Variants in NAV1 observed in about 807,000 individuals in gnomAD.
NAV1 encodes pore membrane and/or filament interacting like protein 3.
In NAV1, 18 loss-of-function variants were observed where a neutral mutation model predicts 175.2. That is an observed-to-expected ratio of 0.10 (90% CI 0.07 to 0.15). The LOEUF (loss-of-function observed/expected upper bound fraction) is 0.15. NAV1 is among the 10% of genes least tolerant of loss of function. The pLI, the probability that NAV1 is intolerant of heterozygous loss-of-function variation, is 1.00. For synonymous variants in NAV1, 897 were observed against 978.7 expected, an observed-to-expected ratio of 0.92 and a Z score of 1.56; for missense variants, 1,731 against 2,436.6, an observed-to-expected ratio of 0.71 and a Z score of 6.10.
chr1:201,800,817 C>T (rs1212398222), intron 15 of NAV1, among the ~76,000 whole-genome samples: 45 of 90,790 alleles, frequency 5.0e-4, no homozygotes, highest in Admixed American at 9.3e-4. Context: ...CTTGGTGTAT[C>T]TTTTTTTTTT....
chr1:201,602,942 C>T (rs539273327), intron 2 of NAV1, among the ~76,000 whole-genome samples: 28 of 152,118 alleles, frequency 1.8e-4, no homozygotes, highest in Non-Finnish European at 3.8e-4. Flanking sequence ...TTGGAAAAGT[C>T]AGCTTCAAAA....
At chr1:201,717,610 ACT>A (rs1429939520) in intron 2 of NAV1, among the ~76,000 whole-genome samples, 1 of 152,002 alleles carries the variant, frequency 6.6e-6, no homozygotes, top group African/African-American at 2.4e-5. Flanking sequence ...GAGGCTTGAG[ACT>A]CTGGACATTT....
intron 1 of NAV1, among the ~76,000 whole-genome samples, chr1:201,673,642 ATG>A (rs945255615): frequency 2.0e-5 from 3 of 152,120 alleles, no homozygotes; most frequent in African/African-American, 7.2e-5. Context: ...CCCCATTCTG[ATG>A]TGGGAGAGAG....
chr1:201,773,683 G>A (rs1401943064), intron 3 of NAV1, among the ~76,000 whole-genome samples: 1 of 152,194 alleles, frequency 6.6e-6, no homozygotes, highest in African/African-American at 2.4e-5. Context: ...AGGGGAAAAG[G>A]TGATGCTTTT....
intron 22 of NAV1, 113 bp downstream of exon 26, chr1:201,809,650 C>A: frequency 1.0e-6 from 1 of 966,178 alleles, no homozygotes; most frequent in Non-Finnish European, 1.6e-6. Flanking sequence ...GTGGCGTGAT[C>A]ACAGCTCACT....
intron 2 of NAV1, among the ~76,000 whole-genome samples, chr1:201,593,311 G>A (rs563352197): frequency 6.6e-6 from 1 of 152,276 alleles, no homozygotes; most frequent in Admixed American, 6.5e-5. Flanking sequence ...GGGTCCTCGG[G>A]CCTCAATCCA....
chr1:201,750,807 G>A lies in NAV1; in HGVS notation c.1227-29614G>A, dbSNP rs1674056880. 6.6e-6 allele frequency among the ~76,000 whole-genome samples: 1 copy of A among 151,952 alleles called. No homozygotes were observed. The highest frequency in any genetic ancestry group is 2.1e-4 in the South Asian group (1 of 4,810). ...TTCTGAGATCGGAGGAGGCCTGGAG[G>A]GTGGGGTGAAGTTGTGAGGACCCCT... is the stretch of plus-strand genomic sequence containing the variant. On this transcript the variant is annotated intron_variant, in intron 3 of 29. Transcript: ENST00000367296. This position sits in a 1 kb window ranked among gnomAD's most constrained non-coding sequence, Gnocchi z 4.1.
chr1:201,701,924 G>A (rs1558079733), intron 1 of NAV1, among the ~76,000 whole-genome samples: 1 of 152,212 alleles, frequency 6.6e-6, no homozygotes, highest in Non-Finnish European at 1.5e-5. Context: ...ATAAAGGCAT[G>A]GACGTGAATT....
chr1:201,797,554 A>AT (rs1448881850), intron 15 of NAV1: 2 of 152,130 alleles, frequency 1.3e-5, no homozygotes, highest in Non-Finnish European at 2.9e-5. Flanking sequence ...CTCAGATTGA[A>AT]TTTTGCTAGG....
At chr1:201,574,016 G>A (rs563599435) in intron 1 of NAV1, among the ~76,000 whole-genome samples, 4 of 151,998 alleles carry the variant, frequency 2.6e-5, no homozygotes, top group East Asian at 1.9e-4. Context: ...TGATAGTGGC[G>A]GCACTGCACT....
At chr1:201,741,029 T>C (rs1673387966) in intron 3 of NAV1, among the ~76,000 whole-genome samples, 1 of 152,114 alleles carries the variant, frequency 6.6e-6, no homozygotes, top group Non-Finnish European at 1.5e-5. Flanking sequence ...CTATGCCTGG[T>C]GCTGTGGCCA....
intron 3 of NAV1, among the ~76,000 whole-genome samples, chr1:201,779,320 G>A (rs1190053051): frequency 2.0e-5 from 3 of 152,004 alleles, no homozygotes; most frequent in Admixed American, 6.6e-5. Context: ...GGCCAGGCAC[G>A]GTGGCTCACG....
Position 201,539,278 on chromosome 1 carries a change from C to T in NAV1, c.-208C>T, listed in dbSNP as rs1443237777. On this transcript the variant is annotated 5_prime_UTR_variant, in exon 1 of 34. Coordinates refer to the NAV1 transcript ENST00000685211. The surrounding 1 kb of genome is among the most constrained non-coding windows in gnomAD (Gnocchi z 5.6). ...AAGCGGACCCCGCACCCGCGCTGCC[C>T]TTGGGGATGCGCGACTCTGCGCGGC... 6.6e-6 allele frequency among the ~76,000 whole-genome samples: 1 copy of T among 152,024 alleles called. No homozygotes were observed. The highest frequency in any genetic ancestry group is 1.5e-5 in the Non-Finnish European group (1 of 67,982).
chr1:201,665,126 G>T (rs1233463443), intron 1 of NAV1, among the ~76,000 whole-genome samples: 1 of 152,094 alleles, frequency 6.6e-6, no homozygotes, highest in Non-Finnish European at 1.5e-5. Flanking sequence ...CCCACCCATG[G>T]TTCTTCCTTC....
intron 3 of NAV1, among the ~76,000 whole-genome samples, chr1:201,753,538 CT>C (rs1371743553): frequency 6.6e-6 from 1 of 152,104 alleles, no homozygotes; most frequent in Non-Finnish European, 1.5e-5. Context: ...AATATTTTAC[CT>C]TAATAGTGCT....
chr1:201,704,341 C>G (rs1365161098), intron 1 of NAV1, among the ~76,000 whole-genome samples: 3 of 152,206 alleles, frequency 2.0e-5, no homozygotes, highest in Admixed American at 1.3e-4. Context: ...GCGCTGCAGT[C>G]GCAGCAAGGC....
intron 1 of NAV1, among the ~76,000 whole-genome samples, chr1:201,697,450 C>T (rs1671239193): frequency 6.6e-6 from 1 of 152,208 alleles, no homozygotes; most frequent in Admixed American, 6.5e-5. Context: ...CTACCTTGCT[C>T]ATACCTTGCC....
intron 1 of NAV1, among the ~76,000 whole-genome samples, chr1:201,554,578 G>A (rs749226575): frequency 1.2e-4 from 18 of 152,180 alleles, no homozygotes; most frequent in Non-Finnish European, 1.5e-4. Flanking sequence ...AAGGAAAACC[G>A]AACAGGACTG....
At chr1:201,649,528 G>A in intron 1 of NAV1, 103 bp downstream of exon 5, 2 of 1,430,906 alleles carry the variant, frequency 1.4e-6, no homozygotes. Flanking sequence ...CGCCTTCCCG[G>A]AGGGCCCTCC....
Sources: allele counts gnomAD v4.1 joint callset (sites outside exome capture counted in the v4.1 genomes callset), GRCh38; gene constraint gnomAD v4.1.1; non-coding constraint Gnocchi (gnomAD v3.1); transcripts MANE v1.5; gene names NCBI Gene and HGNC (gene_info 2026-07-23, HGNC 2026-07-21).